RANBP2: variants seen among roughly 807,000 people sequenced by gnomAD.
RANBP2 encodes E3 SUMO-protein ligase RanBP2.
Under a neutral mutation model 303.6 loss-of-function variants are expected in RANBP2, and 57 were observed. The observed-to-expected ratio is 0.19, with a 90% CI of 0.15 to 0.23. The LOEUF (loss-of-function observed/expected upper bound fraction) is 0.23, where lower values mean the gene tolerates loss of function less well. RANBP2 is among the 10% of genes least tolerant of loss of function. The pLI, the probability that RANBP2 is intolerant of heterozygous loss-of-function variation, is 1.00. For synonymous variants in RANBP2, 1,167 were observed against 1,301.5 expected, an observed-to-expected ratio of 0.90 and a Z score of 2.23; for missense variants, 3,138 against 3,780.8, an observed-to-expected ratio of 0.83 and a Z score of 4.46.
chr2:108,831,872 G>A, the RANBP2 span, among the ~76,000 whole-genome samples: 106 of 146,688 alleles, frequency 7.2e-4, no homozygotes, highest in Middle Eastern at 8.0e-3. Flanking sequence ...AGCTGGGATT[G>A]CAGGCACTGG....
chr2:109,398,680 G>C, the RANBP2 span: 4 of 1,609,764 alleles, frequency 2.5e-6, no homozygotes, highest in Non-Finnish European at 2.5e-6. Flanking sequence ...CTCTGACTCC[G>C]GCGCTGTGGC....
chr2:109,430,064 C>T, the RANBP2 span, among the ~76,000 whole-genome samples: 1 of 152,208 alleles, frequency 6.6e-6, no homozygotes, highest in African/African-American at 2.4e-5. Context: ...GAGCTGTGGT[C>T]AGCAGCTAGG....
the RANBP2 span, among the ~76,000 whole-genome samples, chr2:109,471,577 C>G: frequency 6.6e-6 from 1 of 152,118 alleles, no homozygotes; most frequent in Non-Finnish European, 1.5e-5. Context: ...CAGTCAGTGG[C>G]AAAATTCATC....
the RANBP2 span, among the ~76,000 whole-genome samples, chr2:108,898,020 C>T: frequency 6.6e-6 from 1 of 152,280 alleles, no homozygotes; most frequent in South Asian, 2.1e-4. Context: ...GAAATAATAG[C>T]AACCACAGAC....
At chr2:108,921,632 A>G in the RANBP2 span, among the ~76,000 whole-genome samples, 110,503 of 151,964 alleles carry the variant, frequency 0.73, 43,234 homozygotes, top group East Asian at 0.9. Context: ...GGGGCTTTCT[A>G]GCTCCGACGT....
chr2:109,098,852 G>T, the RANBP2 span, among the ~76,000 whole-genome samples: 5 of 152,300 alleles, frequency 3.3e-5, no homozygotes, highest in East Asian at 5.8e-4. Flanking sequence ...GTAATACCCG[G>T]TTATTTGGCT....
chr2:109,435,733 AT>A, the RANBP2 span, among the ~76,000 whole-genome samples: 8 of 152,214 alleles, frequency 5.3e-5, no homozygotes, highest in Non-Finnish European at 1.2e-4. Flanking sequence ...CACCTTGCAA[AT>A]TAGTGACTCA....
At chr2:109,000,332 G>A in the RANBP2 span, among the ~76,000 whole-genome samples, 1 of 152,092 alleles carries the variant, frequency 6.6e-6, no homozygotes, top group African/African-American at 2.4e-5. Flanking sequence ...TTTGAGCTCA[G>A]CCTGGGCAAC....
the RANBP2 span, chr2:109,585,728 G>T: frequency 1.0e-4 from 167 of 1,610,486 alleles, no homozygotes; most frequent in Non-Finnish European, 9.9e-5. Context: ...TACCCACACA[G>T]AGAATATTAA....
chr2:109,632,098 C>T, the RANBP2 span, among the ~76,000 whole-genome samples: 1 of 152,152 alleles, frequency 6.6e-6, no homozygotes, highest in Non-Finnish European at 1.5e-5. Flanking sequence ...AGCTCTAGAA[C>T]CGGAGGCTTC....
At chr2:109,322,360 G>A in the RANBP2 span, among the ~76,000 whole-genome samples, 4 of 152,198 alleles carry the variant, frequency 2.6e-5, no homozygotes, top group African/African-American at 4.8e-5. Flanking sequence ...AACATGTGCC[G>A]AAATGTTCCC....
the RANBP2 span, among the ~76,000 whole-genome samples, chr2:109,189,827 C>T: frequency 6.6e-6 from 1 of 152,180 alleles, no homozygotes; most frequent in African/African-American, 2.4e-5. Context: ...TCAGAGTTCT[C>T]AAGCCGACAG....
the RANBP2 span, among the ~76,000 whole-genome samples, chr2:109,714,055 A>T: frequency 6.6e-6 from 1 of 152,192 alleles, no homozygotes; most frequent in Non-Finnish European, 1.5e-5. Context: ...TAAGTAGTAG[A>T]TTACCCACAA....
the RANBP2 span, among the ~76,000 whole-genome samples, chr2:109,434,469 C>T: frequency 9.9e-5 from 15 of 152,234 alleles, no homozygotes; most frequent in Non-Finnish European, 1.3e-4. Flanking sequence ...ATTGGGACAT[C>T]GCCTGGCCGG....
At chr2:109,114,466 A>G in the RANBP2 span, among the ~76,000 whole-genome samples, 1 of 151,838 alleles carries the variant, frequency 6.6e-6, no homozygotes, top group African/African-American at 2.4e-5. Flanking sequence ...TTTCTGTGGG[A>G]TCGGTGGTGA....
intron 14 of RANBP2, 123 bp from the exon 15 acceptor site, chr2:108,753,702 A>G: frequency 1.3e-6 from 2 of 1,581,016 alleles, no homozygotes; most frequent in Non-Finnish European, 1.7e-6. Context: ...CCCAGGCTCA[A>G]GCGATTCTTG....
the RANBP2 span, among the ~76,000 whole-genome samples, chr2:108,838,507 G>A: frequency 2.0e-5 from 3 of 152,108 alleles, no homozygotes; most frequent in South Asian, 4.2e-4. Context: ...TTCTTAAATC[G>A]ATTTTCTTAG....
At chr2:109,678,011 C>T in the RANBP2 span, among the ~76,000 whole-genome samples, 5 of 152,176 alleles carry the variant, frequency 3.3e-5, no homozygotes, top group African/African-American at 1.2e-4. Context: ...GCAGTGCACC[C>T]GTGGTGGCTC....
At chr2:109,486,663 C>A in the RANBP2 span, among the ~76,000 whole-genome samples, 5 of 152,122 alleles carry the variant, frequency 3.3e-5, no homozygotes, top group Non-Finnish European at 7.4e-5. Flanking sequence ...GATGCAGAGC[C>A]GGGCCTTCAC....
Sources: gnomAD v4.1 joint callset for allele counts (sites outside exome capture counted in the v4.1 genomes callset) on GRCh38, gnomAD v4.1.1 for gene constraint, MANE v1.5 for transcripts, NCBI Gene and HGNC (gene_info 2026-07-23, HGNC 2026-07-21) for gene names.